DCAF1: variants seen among roughly 807,000 people sequenced by gnomAD.
The protein encoded by DCAF1 is DDB1- and CUL4-associated factor 1.
In DCAF1, 15 loss-of-function variants were observed where a neutral mutation model predicts 128.0. The ratio of observed to expected loss-of-function variants is 0.12; its 90% CI spans 0.08 to 0.18. The LOEUF is 0.18. Ranked by LOEUF, DCAF1 falls within the 10% of genes least tolerant of loss-of-function variation. The pLI, the probability that DCAF1 is intolerant of heterozygous loss-of-function variation, is 1.00. For missense variants in DCAF1, 988 were observed against 1,649.5 expected (o/e 0.60, Z 6.95); for synonymous variants, 610 against 603.0 (o/e 1.01, Z -0.17).
At chr3:51,429,576 C>A in intron 11 of DCAF1, 106 bp from the exon 12 acceptor site, 1 of 666,956 alleles carries the variant, frequency 1.5e-6, no homozygotes, top group Non-Finnish European at 2.7e-6. Flanking sequence ...TTTTACTTTC[C>A]ATACATATTC....
chr3:51,408,893 G>C (rs1698146237), intron 23 of DCAF1, among the ~76,000 whole-genome samples: 1 of 152,172 alleles, frequency 6.6e-6, no homozygotes, highest in Admixed American at 6.5e-5. Flanking sequence ...TAGATCCTAA[G>C]AAATCTGGAA....
At chr3:51,440,668 G>A (rs1317193730) in intron 9 of DCAF1, among the ~76,000 whole-genome samples, 10 of 151,918 alleles carry the variant, frequency 6.6e-5, no homozygotes, top group Admixed American at 6.6e-4. Flanking sequence ...CACTGTGGGA[G>A]GCCAAGGCGG....
In DCAF1 at chr3:51,490,093, A is replaced by T. The variant is rs564316307; in HGVS notation, c.-8-6257T>A. Among the ~76,000 whole-genome samples, 3 of 152,308 alleles carry T rather than the reference A, an allele frequency of 2.0e-5. No homozygotes were observed. The East Asian group carries it at 5.8e-4, about 29-fold the overall frequency. On this transcript the variant is annotated intron_variant, in intron 2 of 24. Coordinates refer to ENST00000684031, the MANE Select transcript of DCAF1 (RefSeq NM_001387579.1). ...TTTCATTTACAATAGCACCAAAAAT[A>T]ATAAAATAATTAGAAACAAATTTAA...
chr3:51,459,874 T>C (rs1451212488), intron 6 of DCAF1, among the ~76,000 whole-genome samples: 4 of 152,122 alleles, frequency 2.6e-5, no homozygotes, highest in Admixed American at 2.6e-4. Flanking sequence ...TGCTAAAAAC[T>C]CTCAATAAAT....
chr3:51,461,751 T>C (rs1200372746), intron 6 of DCAF1, among the ~76,000 whole-genome samples: 1 of 152,202 alleles, frequency 6.6e-6, no homozygotes, highest in African/African-American at 2.4e-5. Flanking sequence ...GATGAGTTCA[T>C]GTCCTTTGTA....
chr3:51,472,701 G>A (rs1383327813), intron 3 of DCAF1, among the ~76,000 whole-genome samples: 3 of 149,332 alleles, frequency 2.0e-5, no homozygotes, highest in Non-Finnish European at 3.0e-5. Flanking sequence ...AGTTTCACTC[G>A]TTGCCCAGGC....
chr3:51,437,360 C>G (rs371547280), intron 9 of DCAF1: 2 of 392,442 alleles, frequency 5.1e-6, no homozygotes, highest in East Asian at 1.4e-4. Context: ...AGGGGCTGAA[C>G]ATGGGAGGGC....
At position 51,420,710 on chromosome 3, in the gene DCAF1, T is replaced by C. The variant is rs1553632266; in HGVS notation, c.2260A>G (p.Ile754Val). The C allele has an allele frequency of 6.2e-7, 1 of 1,614,000 alleles. No individual in the cohort carries two copies. The highest frequency in any genetic ancestry group is 8.5e-7 in the Non-Finnish European group (1 of 1,179,888). The change falls in exon 15 of 25, where the codon ATC becomes GTC. Residue 754 changes from isoleucine (I) to valine (V), a missense_variant. Ile to Val is a conservative substitution (Grantham distance 29). Around this residue, in one of 11 missense-constraint regions of DCAF1, gnomAD observed 76 missense variants for 186.9 expected, o/e 0.41. Coordinates refer to ENST00000684031, the MANE Select transcript of DCAF1 (RefSeq NM_001387579.1). This position sits in a 1 kb window ranked among gnomAD's most constrained non-coding sequence, Gnocchi z 6.5. ...IKMPITDADQ[I>V]RALACKALVG... is the part of the protein sequence containing the mutation. ...AGGGCTTTGCAGGCCAGGGCCCGGA[T>C]TTGGTCTGCATCTGTGATGGGCATC...
intron 18 of DCAF1, 112 bp downstream of exon 18, chr3:51,416,675 T>C: frequency 1.4e-6 from 2 of 1,418,872 alleles, no homozygotes; most frequent in Non-Finnish European, 1.9e-6. Flanking sequence ...AGAAGGAATA[T>C]CACTGATTTC....
chr3:51,400,734 C>T (rs1553624569), intron 24 of DCAF1, among the ~76,000 whole-genome samples: 1 of 152,102 alleles, frequency 6.6e-6, no homozygotes, highest in East Asian at 1.9e-4. Flanking sequence ...TCTGAAAGGT[C>T]GCTAAGGCAG....
chr3:51,491,711 T>C (rs2108525801), intron 2 of DCAF1, among the ~76,000 whole-genome samples: 1 of 150,758 alleles, frequency 6.6e-6, no homozygotes, highest in African/African-American at 2.4e-5. Flanking sequence ...CCAGGCATGG[T>C]GGCGCGCCTG....
chr3:51,463,829 A>T (rs1411154089), intron 5 of DCAF1, among the ~76,000 whole-genome samples: 1 of 152,000 alleles, frequency 6.6e-6, no homozygotes, highest in Non-Finnish European at 1.5e-5. Flanking sequence ...AAATGCCACA[A>T]ATAAACCTAT....
At chr3:51,444,595 G>A (rs1438374033) in intron 6 of DCAF1, among the ~76,000 whole-genome samples, 8 of 151,824 alleles carry the variant, frequency 5.3e-5, no homozygotes, top group South Asian at 4.2e-4. Context: ...CAAGTGATCC[G>A]CCCACCTCGG....
chr3:51,462,255 C>T (rs1390584757), intron 6 of DCAF1, among the ~76,000 whole-genome samples: 2 of 151,634 alleles, frequency 1.3e-5, no homozygotes, highest in African/African-American at 4.8e-5. Flanking sequence ...AACGCTGTCT[C>T]TACTAAAAAT....
In DCAF1 at chr3:51,403,409, G is replaced by A. The variant is rs376229043; in HGVS notation, c.4213-14C>T. The A allele has an allele frequency of 7.5e-5, 116 of 1,551,678 alleles. 1 individual carries two copies. The highest frequency in any genetic ancestry group is 4.8e-4 in the African/African-American group (35 of 73,132). Reference sequence around the variant, plus strand: ...TTCTTCCTCTTCCTGGTAAGAAAGCGTAATGTTCATTAGTACAAACACAGA... The same window carrying A: ...TTCTTCCTCTTCCTGGTAAGAAAGCATAATGTTCATTAGTACAAACACAGA... On this transcript the variant is annotated splice_polypyrimidine_tract_variant and intron_variant, in intron 23 of 24. Coordinates refer to ENST00000684031, the MANE Select transcript of DCAF1 (RefSeq NM_001387579.1).
Position 51,478,861 on chromosome 3 carries a change from T to TA in DCAF1, c.110+4857dup, listed in dbSNP as rs1388411431. ...GCCAGTCAGCAATAATCCTGTTCCTTAAAAAAAACTGGTATTTTCACATGT... is the reference window on the plus strand; with the variant it reads ...GCCAGTCAGCAATAATCCTGTTCCTTAAAAAAAAACTGGTATTTTCACATGT... On this transcript the variant is annotated intron_variant, in intron 3 of 24. Transcript: ENST00000684031. Among the ~76,000 whole-genome samples, 6 of 151,960 alleles carry TA rather than the reference T, an allele frequency of 3.9e-5. No homozygotes were observed. In the East Asian group the frequency reaches 7.7e-4, roughly 20 times the overall value.
chr3:51,433,864 T>A (rs1700591173), intron 9 of DCAF1, among the ~76,000 whole-genome samples: 1 of 150,590 alleles, frequency 6.6e-6, no homozygotes, highest in Non-Finnish European at 1.5e-5. Flanking sequence ...GCAGATCACT[T>A]GAGGTCAGGA....
chr3:51,492,485 C>T (rs1321054167), intron 2 of DCAF1, among the ~76,000 whole-genome samples: 1 of 151,778 alleles, frequency 6.6e-6, no homozygotes, highest in African/African-American at 2.4e-5. Context: ...CAATGCACAC[C>T]GGCCTGGGCA....
At position 51,440,882 on chromosome 3, in the gene DCAF1, G is replaced by A; in HGVS notation, c.1128+88C>T. ...GATCGCACCACTGCACTCCAGCCTG[G>A]GCGACAGAGTGAGACTCCATCTTAA... On this transcript the variant is annotated intron_variant, in intron 9 of 24. Coordinates refer to ENST00000684031, the MANE Select transcript of DCAF1 (RefSeq NM_001387579.1). The A allele has an allele frequency of 5.3e-6, 6 of 1,128,822 alleles. No homozygotes were observed. The South Asian group carries it at 8.8e-5, about 16-fold the overall frequency. 69.9% of individuals were successfully genotyped at this position (1,128,822 alleles called of 1,614,324 possible).
Sources: gnomAD v4.1 joint callset for allele counts (sites outside exome capture counted in the v4.1 genomes callset) on GRCh38, gnomAD v4.1.1 for gene constraint, gnomAD v4.1.1 regional missense constraint, Gnocchi (gnomAD v3.1) non-coding constraint, MANE v1.5 for transcripts, NCBI Gene and HGNC (gene_info 2026-07-23, HGNC 2026-07-21) for gene names.